CARHSP1: variants seen among roughly 807,000 people sequenced by gnomAD.
CARHSP1 encodes calcium-regulated heat-stable protein 1.
CARHSP1 carries 14 observed loss-of-function variants against 12.5 expected under a neutral mutation model. That is an observed-to-expected ratio of 1.12 (90% CI 0.74 to 1.75). The LOEUF (loss-of-function observed/expected upper bound fraction) is 1.75, where lower values mean the gene tolerates loss of function less well. Among genes scored for constraint, CARHSP1 ranks in the 40% most tolerant of loss-of-function variants. The pLI is 0.00. For missense variants in CARHSP1, 343 were observed against 201.6 expected, an observed-to-expected ratio of 1.70 and a Z score of -4.25; for synonymous variants, 161 against 82.0, an observed-to-expected ratio of 1.96 and a Z score of -5.20.
At chr16:8,861,078 T>TGAGAC (rs938123738) in intron 1 of CARHSP1, among the ~76,000 whole-genome samples, 1 of 148,680 alleles carries the variant, frequency 6.7e-6, no homozygotes, top group African/African-American at 2.5e-5. Context: ...TTTATTTTTT[T>TGAGAC]GAGACAGTGT....
chr16:8,862,245 C>T (rs2061378283), intron 1 of CARHSP1, among the ~76,000 whole-genome samples: 3 of 151,930 alleles, frequency 2.0e-5, no homozygotes, highest in Admixed American at 2.0e-4. Flanking sequence ...CTCTCTGGGC[C>T]TCAGTTTCCA....
At chr16:8,858,656 G>A in intron 2 of CARHSP1, 184 bp from the exon 3 acceptor site, 3 of 698,384 alleles carry the variant, frequency 4.3e-6, no homozygotes, top group Non-Finnish European at 6.8e-6. Flanking sequence ...CTGGGGGAAA[G>A]GACTCTTTGG....
At chr16:8,861,199 T>TTTTTTTTTTTA (rs1567187143) in intron 1 of CARHSP1, among the ~76,000 whole-genome samples, 1 of 60,570 alleles carries the variant, frequency 1.7e-5, no homozygotes. Context: ...TTTTTTTTTT[T>TTTTTTTTTTTA]ATAGAGACAG....
At chr16:8,861,158 ATTTTTT>A (rs765114977) in intron 1 of CARHSP1, among the ~76,000 whole-genome samples, 27 of 51,262 alleles carry the variant, frequency 5.3e-4, no homozygotes, top group African/African-American at 9.5e-4. Flanking sequence ...TCCATGCCTA[ATTTTTT>A]TTTTTTTTTT....
In CARHSP1 at chr16:8,858,467, A is replaced by AC. The variant is rs1274857513; in HGVS notation, c.163dup (p.Val55GlyfsTer29). ...GTAGACGGGGCCCTGTGAAGCCCGC[A>AC]CCGTCCTGACAGAGAGGGGGAAATG... On this transcript the variant is annotated frameshift_variant, in exon 3 of 4. Transcript: ENST00000311052. LOFTEE classifies it high-confidence loss of function. The AC allele has an allele frequency of 6.8e-6, 11 of 1,613,566 alleles. No individual in the cohort carries two copies. The highest frequency in any genetic ancestry group is 9.3e-6 in the Non-Finnish European group (11 of 1,179,952).
At chr16:8,859,104 CAG>C in intron 2 of CARHSP1, 65 bp downstream of exon 2, 2 of 1,445,608 alleles carry the variant, frequency 1.4e-6, no homozygotes, top group Non-Finnish European at 1.9e-6. Flanking sequence ...GCCAGAGACA[CAG>C]TGAATCTCTG....
intron 1 of CARHSP1, chr16:8,860,059 G>T (rs998531876): frequency 1.2e-6 from 1 of 832,178 alleles, no homozygotes; most frequent in Non-Finnish European, 1.4e-6. Context: ...CCTCCCTGAC[G>T]CTGCTGGGAG....
chr16:8,859,335 C>G lies in CARHSP1; in HGVS notation c.-7G>C. 2 of 1,598,616 alleles carry G rather than the reference C, an allele frequency of 1.3e-6. No individual in the cohort carries two copies. Among genetic ancestry groups the G allele is most frequent in the Non-Finnish European group, 1.7e-6 (2 of 1,178,340 alleles). ...GGGGAGGCTCAGATGACATGGCTGA[C>G]CTGGAAAGAGAAGAGGCTGTCAGGG... is the stretch of plus-strand genomic sequence containing the variant. On this transcript the variant is annotated splice_region_variant and 5_prime_UTR_variant, in exon 2 of 4. Transcript: ENST00000311052.
intron 1 of CARHSP1, chr16:8,866,612 C>G (rs2141130539): frequency 9.2e-6 from 2 of 218,448 alleles, no homozygotes; most frequent in East Asian, 1.8e-4. Context: ...CAGAGGTTGA[C>G]GCAGCAGCGT....
At chr16:8,866,089 G>A (rs2061449944) in intron 1 of CARHSP1, among the ~76,000 whole-genome samples, 1 of 152,182 alleles carries the variant, frequency 6.6e-6, no homozygotes, top group African/African-American at 2.4e-5. Context: ...AAGTAGCTGG[G>A]ACTACAGGCG....
rs2061032010 is a variant in CARHSP1 at position 8,854,419 on chromosome 16, G to C, written c.*745C>G. ...GCTGTGAAATGGCTGTTGAGTGATG[G>C]TCACACAACCAGAAGGCAGATGAAA... On this transcript the variant is annotated 3_prime_UTR_variant, in exon 4 of 4. Transcript: ENST00000311052. 1 of 152,456 alleles carries C rather than the reference G, an allele frequency of 6.6e-6. No individual in the cohort carries two copies. 9.4% of individuals were successfully genotyped at this position (152,456 alleles called of 1,614,324 possible).
In CARHSP1 at chr16:8,866,565, GA is replaced by G. The variant is rs572654733; in HGVS notation, c.-8+2400del. 25 of 579,970 alleles carry G rather than the reference GA, an allele frequency of 4.3e-5. No individual in the cohort carries two copies. In the East Asian group the frequency reaches 3.0e-3, roughly 69 times the overall value. 35.9% of individuals were successfully genotyped at this position (579,970 alleles called of 1,614,324 possible). A position where few individuals can be genotyped will look rare whatever the true frequency, so the allele number is the denominator to read the frequency against. On this transcript the variant is annotated intron_variant, in intron 1 of 3. Transcript: ENST00000311052. ...GGGGCGGGTCAGCTGAGCCCAGATA[GA>G]AGGGTCCCTGGAAGCGATAGAGGCC...
At chr16:8,856,530 T>G (rs567532431) in intron 3 of CARHSP1, among the ~76,000 whole-genome samples, 1 of 151,334 alleles carries the variant, frequency 6.6e-6, no homozygotes, top group South Asian at 2.1e-4. Flanking sequence ...CAAGGCAGTA[T>G]GGAAATACCC....
intron 1 of CARHSP1, among the ~76,000 whole-genome samples, chr16:8,864,589 G>A (rs2061424630): frequency 6.6e-6 from 1 of 152,224 alleles, no homozygotes; most frequent in South Asian, 2.1e-4. Context: ...GAGTAAGTCA[G>A]ACAGCAGAAA....
chr16:8,860,615 C>T (rs907958190), intron 1 of CARHSP1: 34 of 577,442 alleles, frequency 5.9e-5, no homozygotes, highest in East Asian at 1.5e-4. Flanking sequence ...TTGGCACCTG[C>T]GCAGGGCTGG....
chr16:8,866,762 G>C (rs1434858954), intron 1 of CARHSP1, among the ~76,000 whole-genome samples: 1 of 151,822 alleles, frequency 6.6e-6, no homozygotes. Flanking sequence ...GGAGGCAAAG[G>C]GGAGGGGGCA....
chr16:8,867,514 C>T (rs1477008708), intron 1 of CARHSP1: 2 of 152,430 alleles, frequency 1.3e-5, no homozygotes, highest in Non-Finnish European at 2.9e-5. Context: ...TGATGGAACA[C>T]AAACCAAATG....
intron 1 of CARHSP1, chr16:8,868,215 G>T (rs925396536): frequency 6.6e-6 from 1 of 152,284 alleles, no homozygotes; most frequent in African/African-American, 2.4e-5. Flanking sequence ...CCTGGAGCGG[G>T]ACGTCTCCGC....
Position 8,857,263 on chromosome 16 carries a change from G to GTTTTTTGTTTTTTGTTT in CARHSP1, c.281+1086_281+1087insAAACAAAAAACAAAAAA, listed in dbSNP as rs1315960023. 7.2e-4 allele frequency among the ~76,000 whole-genome samples: 41 copies of GTTTTTTGTTTTTTGTTT among 57,036 alleles called. 8 individuals carry two copies. Among genetic ancestry groups the GTTTTTTGTTTTTTGTTT allele is most frequent in the African/African-American group, 1.7e-3 (30 of 17,920 alleles). The allele number at this position is 57,036 out of a possible 152,430, so 37.4% of individuals were successfully genotyped here. A position where few individuals can be genotyped will look rare whatever the true frequency, so the allele number is the denominator to read the frequency against. Reference sequence around the variant, plus strand: ...TGGCTATGTGATCTTGGGCAGATCTGTTTTTTTTTTTTTTTTTTTTTTTTT... The same window carrying GTTTTTTGTTTTTTGTTT: ...TGGCTATGTGATCTTGGGCAGATCTGTTTTTTGTTTTTTGTTTTTTTTTTTTTTTTTTTTTTTTTTTT... On this transcript the variant is annotated intron_variant, in intron 3 of 3. Coordinates refer to ENST00000311052, the MANE Select transcript of CARHSP1 (RefSeq NM_014316.4).
Sources: gnomAD v4.1 joint callset for allele counts (sites outside exome capture counted in the v4.1 genomes callset) on GRCh38, gnomAD v4.1.1 for gene constraint, MANE v1.5 for transcripts, NCBI Gene and HGNC (gene_info 2026-07-23, HGNC 2026-07-21) for gene names.